KIAA1217: variants seen among roughly 807,000 people sequenced by gnomAD.
The protein encoded by KIAA1217 is sickle tail protein homolog.
KIAA1217 carries 88 observed loss-of-function variants against 163.9 expected under a neutral mutation model. That is an observed-to-expected ratio of 0.54 (90% CI 0.45 to 0.64). The LOEUF is 0.64. Ranked by LOEUF, KIAA1217 falls within the 30% of genes least tolerant of loss-of-function variation. The probability of loss-of-function intolerance (pLI) is 0.00; values close to 1 mark genes in which losing one functional copy is unlikely to be tolerated. For missense variants in KIAA1217, 2,372 were observed against 2,475.0 expected (o/e 0.96, Z 0.88); for synonymous variants, 903 against 923.1 (o/e 0.98, Z 0.39).
chr10:24,519,655 T>A (rs2070770757), intron 10 of KIAA1217, among the ~76,000 whole-genome samples: 1 of 152,070 alleles, frequency 6.6e-6, no homozygotes, highest in East Asian at 1.9e-4. Context: ...CAGCGAAGAA[T>A]TACACAGCCC....
At chr10:24,162,896 G>T (rs1478962206) in intron 2 of KIAA1217, among the ~76,000 whole-genome samples, 1 of 152,190 alleles carries the variant, frequency 6.6e-6, no homozygotes, top group Non-Finnish European at 1.5e-5. Context: ...CTTTCCAAAG[G>T]CTGCCTGAGC....
At position 24,473,354 on chromosome 10, in the gene KIAA1217, C is replaced by A. The variant is rs781611613; in HGVS notation, c.973C>A (p.Pro325Thr). 6.2e-7 allele frequency: 1 copy of A among 1,602,516 alleles called. No homozygotes were observed. Among genetic ancestry groups the A allele is most frequent in the Admixed American group, 1.7e-5 (1 of 59,388 alleles). Residue 325 changes from proline to threonine, a missense_variant, in exon 6 of 21, where the codon CCC (proline) becomes ACC (threonine). Transcript: ENST00000376454. ...TACTCCAGTGCCCCATTCCATGCCC[C>A]CCTCCCCGTCCAGAATTCCTTATGG... is the stretch of plus-strand genomic sequence containing the variant. ...PSTPVPHSMP[P>T]SPSRIPYGGT...
intron 1 of KIAA1217, among the ~76,000 whole-genome samples, chr10:23,880,732 C>G (rs1840913202): frequency 6.6e-6 from 1 of 151,872 alleles, no homozygotes; most frequent in Non-Finnish European, 1.5e-5. Flanking sequence ...TATACTCTTA[C>G]CATGTACCCC....
At chr10:23,968,437 A>G (rs554166391) in intron 1 of KIAA1217, among the ~76,000 whole-genome samples, 1 of 152,186 alleles carries the variant, frequency 6.6e-6, no homozygotes, top group East Asian at 1.9e-4. Context: ...GAAAGCACCC[A>G]GTGCTGTCTT....
At chr10:24,371,927 T>A (rs549509994) in intron 2 of KIAA1217, among the ~76,000 whole-genome samples, 2 of 152,274 alleles carry the variant, frequency 1.3e-5, no homozygotes, top group South Asian at 4.1e-4. Context: ...GTGTCACTCT[T>A]ATCCTAAGCA....
intron 2 of KIAA1217, among the ~76,000 whole-genome samples, chr10:24,105,534 C>T (rs747448675): frequency 1.5e-4 from 23 of 152,156 alleles, no homozygotes; most frequent in Non-Finnish European, 2.8e-4. Context: ...GCTCAAGAAA[C>T]CAGTGGTATC....
At chr10:23,934,625 A>T (rs866159072) in intron 1 of KIAA1217, among the ~76,000 whole-genome samples, 12,495 of 67,776 alleles carry the variant, frequency 0.18, 2,723 homozygotes, top group African/African-American at 0.52. Flanking sequence ...ATATATATAT[A>T]TTTTTTTTTT....
intron 1 of KIAA1217, among the ~76,000 whole-genome samples, chr10:23,923,472 T>G (rs1485157503): frequency 6.6e-6 from 1 of 151,938 alleles, no homozygotes; most frequent in East Asian, 1.9e-4. Flanking sequence ...GGTTTTGAGA[T>G]GGGGAGATGG....
chr10:24,012,209 C>T (rs745507796), intron 2 of KIAA1217, among the ~76,000 whole-genome samples: 1 of 152,118 alleles, frequency 6.6e-6, no homozygotes, highest in Non-Finnish European at 1.5e-5. Context: ...CAGGACTCAG[C>T]ATCTCAAAGG....
intron 1 of KIAA1217, among the ~76,000 whole-genome samples, chr10:23,817,914 ACT>A (rs1298914548): frequency 6.9e-6 from 1 of 144,028 alleles, no homozygotes; most frequent in Admixed American, 7.1e-5. Flanking sequence ...ACATAGCTAG[ACT>A]CTGTCTCTAC....
At chr10:23,852,628 T>G (rs570935320) in intron 1 of KIAA1217, among the ~76,000 whole-genome samples, 1 of 152,342 alleles carries the variant, frequency 6.6e-6, no homozygotes, top group South Asian at 2.1e-4. Flanking sequence ...TTCACAATAT[T>G]GATTCTTCCT....
chr10:24,190,084 A>C (rs967316720), intron 2 of KIAA1217, among the ~76,000 whole-genome samples: 1 of 151,986 alleles, frequency 6.6e-6, no homozygotes, highest in African/African-American at 2.4e-5. Context: ...AATGATAATA[A>C]ACTGAGGGGG....
In KIAA1217 at chr10:24,008,725, A is replaced by T. The variant is rs527946820; in HGVS notation, c.-171+1351A>T. On this transcript the variant is annotated intron_variant, in intron 2 of 18. Coordinates refer to the KIAA1217 transcript ENST00000376462. ...TGCTGTCTCTATAAATACTGTTGTGACTGTCTCTGCCAAACCAGCTACCTT... is the reference window on the plus strand; with the variant it reads ...TGCTGTCTCTATAAATACTGTTGTGTCTGTCTCTGCCAAACCAGCTACCTT... 1.1e-4 allele frequency among the ~76,000 whole-genome samples: 16 copies of T among 152,142 alleles called. No individual in the cohort carries two copies. The South Asian group carries it at 2.5e-3, about 24-fold the overall frequency.
intron 2 of KIAA1217, among the ~76,000 whole-genome samples, chr10:24,112,849 G>A (rs141142793): frequency 1.3e-5 from 2 of 152,216 alleles, no homozygotes; most frequent in African/African-American, 4.8e-5. Flanking sequence ...GCCTCCCACA[G>A]TGCTGGGATT....
chr10:24,476,309 C>G lies in KIAA1217; in HGVS notation c.1679+2249C>G, dbSNP rs1210027194. Among the ~76,000 whole-genome samples the G allele has an allele frequency of 2.0e-5, 3 of 152,066 alleles. No individual in the cohort carries two copies. The South Asian group carries it at 6.2e-4, about 32-fold the overall frequency. On this transcript the variant is annotated intron_variant, in intron 6 of 20. Transcript: ENST00000376454. ...AGTTATGGAGAGAATAAAACAAACC[C>G]TCTGCTGACCTGTGGAGTCATCTCT... is the stretch of plus-strand genomic sequence containing the variant.
At chr10:24,486,887 G>T (rs1442196073) in intron 6 of KIAA1217, among the ~76,000 whole-genome samples, 1 of 152,014 alleles carries the variant, frequency 6.6e-6, no homozygotes, top group African/African-American at 2.4e-5. Flanking sequence ...AAGGAGTTTT[G>T]TCTGTTTTGT....
chr10:24,423,832 G>A (rs552579537), intron 3 of KIAA1217, among the ~76,000 whole-genome samples: 39 of 152,200 alleles, frequency 2.6e-4, no homozygotes, highest in South Asian at 6.2e-4. Context: ...CACAGCACCC[G>A]GCCAAGGGCA....
intron 4 of KIAA1217, among the ~76,000 whole-genome samples, chr10:24,437,961 T>C (rs115639050): frequency 0.011 from 1,667 of 150,340 alleles, 30 homozygotes; most frequent in African/African-American, 0.037. Flanking sequence ...GTACATTCAT[T>C]AGATAAGCAG....
intron 2 of KIAA1217, among the ~76,000 whole-genome samples, chr10:24,305,753 T>C (rs556056774): frequency 3.9e-5 from 6 of 152,226 alleles, no homozygotes; most frequent in South Asian, 2.1e-4. Flanking sequence ...TAGGTTGAGG[T>C]TGAATGGGAC....
Sources: allele counts gnomAD v4.1 joint callset (sites outside exome capture counted in the v4.1 genomes callset), GRCh38; gene constraint gnomAD v4.1.1; transcripts MANE v1.5; gene names NCBI Gene and HGNC (gene_info 2026-07-23, HGNC 2026-07-21).